The following ADRA1B variants were observed in gnomAD, a reference collection of about 807,000 sequenced individuals.
ADRA1B encodes the protein alpha-1B adrenergic receptor.
Under a neutral mutation model 17.9 loss-of-function variants are expected in ADRA1B, and 17 were observed. The ratio of observed to expected loss-of-function variants is 0.95; its 90% CI spans 0.65 to 1.42. The LOEUF (loss-of-function observed/expected upper bound fraction) is 1.42, where lower values mean the gene tolerates loss of function less well. ADRA1B is among the 40% of genes most tolerant of loss of function. The pLI is 0.00. For synonymous variants in ADRA1B, 366 were observed against 327.6 expected, an observed-to-expected ratio of 1.12 and a Z score of -1.27; for missense variants, 681 against 722.1, an observed-to-expected ratio of 0.94 and a Z score of 0.65.
At chr5:159,989,049 C>A in the ADRA1B span, among the ~76,000 whole-genome samples, 670 of 152,342 alleles carry the variant, frequency 4.4e-3, 5 homozygotes, top group African/African-American at 0.016. Flanking sequence ...TTTTGAGGAA[C>A]TCCAATACTG....
At chr5:159,966,759 A>T (rs534617122) in intron 1 of ADRA1B, among the ~76,000 whole-genome samples, 2 of 152,322 alleles carry the variant, frequency 1.3e-5, no homozygotes, top group South Asian at 4.1e-4. Flanking sequence ...TGACCCAGTG[A>T]TTCCTCATGT....
chr5:159,881,299 T>TCTCTCTG (rs1753859513), intron 1 of ADRA1B, among the ~76,000 whole-genome samples: 2 of 131,982 alleles, frequency 1.5e-5, no homozygotes, highest in African/African-American at 2.9e-5. Context: ...TATCAGAAAG[T>TCTCTCTG]TCTCTCTCTC....
rs1755902956 is a variant in ADRA1B at position 159,972,583 on chromosome 5, C to A, written c.*91C>A. The A allele has an allele frequency of 1.2e-6, 1 of 862,364 alleles. No individual in the cohort carries two copies. The highest frequency in any genetic ancestry group is 4.3e-5 in the East Asian group (1 of 23,212). The allele number at this position is 862,364 out of a possible 1,614,324, so 53.4% of individuals were successfully genotyped here. On this transcript the variant is annotated 3_prime_UTR_variant, in exon 2 of 2. Coordinates refer to ENST00000306675, the MANE Select transcript of ADRA1B (RefSeq NM_000679.4). ...CGGAGGGGGGAGGGGAGCGTCCACG[C>A]CGGGTAGACGCGCGCCCCAAGGGGA...
Position 159,950,631 on chromosome 5 carries a change from G to A in ADRA1B, c.950-21248G>A, listed in dbSNP as rs1483265328. 3 of 840,050 alleles carry A rather than the reference G, an allele frequency of 3.6e-6. No individual in the cohort carries two copies. The African/African-American group carries it at 5.0e-5, about 14-fold the overall frequency. 52.0% of individuals were successfully genotyped at this position (840,050 alleles called of 1,614,324 possible). Reference sequence around the variant, plus strand: ...CCCCAGCATCAAAGGTGGAGGAGTGGGTGTCTCTGTTGAAGTCAGAGGAGA... The same window carrying A: ...CCCCAGCATCAAAGGTGGAGGAGTGAGTGTCTCTGTTGAAGTCAGAGGAGA... On this transcript the variant is annotated intron_variant, in intron 1 of 1. Transcript: ENST00000306675.
intron 1 of ADRA1B, among the ~76,000 whole-genome samples, chr5:159,889,112 C>T (rs975521186): frequency 1.3e-5 from 2 of 152,170 alleles, no homozygotes; most frequent in African/African-American, 2.4e-5. Flanking sequence ...CTCTCAACTT[C>T]CAACCTCCTA....
chr5:159,890,080 T>C (rs1417017837), intron 1 of ADRA1B, among the ~76,000 whole-genome samples: 2 of 152,162 alleles, frequency 1.3e-5, no homozygotes, highest in African/African-American at 4.8e-5. Flanking sequence ...AGACATGACC[T>C]TGGGCAACGG....
chr5:159,872,775 TA>T (rs555398512), intron 1 of ADRA1B, among the ~76,000 whole-genome samples: 4 of 152,056 alleles, frequency 2.6e-5, no homozygotes, highest in South Asian at 2.1e-4. Context: ...TGGGCTTTTA[TA>T]AAAAAAATTC....
rs577361373 is a variant in ADRA1B at position 159,875,694 on chromosome 5, C to T, written c.-256+10488C>T. Among the ~76,000 whole-genome samples the T allele has an allele frequency of 3.9e-5, 6 of 152,304 alleles. No individual in the cohort carries two copies. The South Asian group carries it at 1.2e-3, about 32-fold the overall frequency. On this transcript the variant is annotated intron_variant, in intron 1 of 2. Transcript: ENST00000641205. ...CCCCTTCACAAGGGGCACACCCTCT[C>T]TAATTCGCCTTCCTTGTGCCACACA...
At chr5:159,893,726 G>C (rs1754011000) in intron 1 of ADRA1B, among the ~76,000 whole-genome samples, 1 of 152,188 alleles carries the variant, frequency 6.6e-6, no homozygotes, top group African/African-American at 2.4e-5. Context: ...TCTGTGGAAG[G>C]TGGGCAGACA....
intron 1 of ADRA1B, among the ~76,000 whole-genome samples, chr5:159,887,265 G>T (rs995511133): frequency 2.4e-4 from 36 of 152,284 alleles, no homozygotes; most frequent in African/African-American, 8.4e-4. Flanking sequence ...CTATGTTAAT[G>T]GCAAACATCC....
intron 1 of ADRA1B, among the ~76,000 whole-genome samples, chr5:159,964,822 C>T (rs948252572): frequency 2.0e-5 from 3 of 152,214 alleles, no homozygotes; most frequent in Admixed American, 2.0e-4. Flanking sequence ...AGCAGTGGTA[C>T]TGGTGGTAAC....
At chr5:159,885,352 A>C (rs77529089) in intron 1 of ADRA1B, among the ~76,000 whole-genome samples, 4,444 of 152,330 alleles carry the variant, frequency 0.029, 78 homozygotes, top group Middle Eastern at 0.071. Flanking sequence ...AACTGACTGC[A>C]GCCCCCAACT....
chr5:159,872,774 A>G (rs1034229161), intron 1 of ADRA1B, among the ~76,000 whole-genome samples: 6 of 152,086 alleles, frequency 3.9e-5, no homozygotes, highest in Admixed American at 2.6e-4. Context: ...CTGGGCTTTT[A>G]TAAAAAAAAT....
In ADRA1B at chr5:159,916,727, C is replaced by T. The variant is rs1353057031; in HGVS notation, c.-179C>T. On this transcript the variant is annotated 5_prime_UTR_variant, in exon 1 of 2. Transcript: ENST00000306675. ...CCCTCTGACAGGCGAGCGAGCGACT[C>T]GGTGCAGGCAGGAGACGTGCTGCCG... 1.3e-5 allele frequency: 8 copies of T among 597,482 alleles called. No homozygotes were observed. In the East Asian group the frequency reaches 1.7e-4, roughly 13 times the overall value. 37.0% of individuals were successfully genotyped at this position (597,482 alleles called of 1,614,324 possible). A position where few individuals can be genotyped will look rare whatever the true frequency, so the allele number is the denominator to read the frequency against.
chr5:159,916,976 A>C lies in ADRA1B; in HGVS notation c.71A>C (p.Asn24Thr), dbSNP rs376465505. 1.1e-4 allele frequency: 181 copies of C among 1,613,882 alleles called. No homozygotes were observed. Among genetic ancestry groups the C allele is most frequent in the Non-Finnish European group, 1.5e-4 (173 of 1,179,978 alleles). ...PAHWGELKNA[N>T]FTGPNQTSSN... Reference sequence around the variant, plus strand: ...CACTGGGGAGAGTTGAAAAATGCCAACTTCACTGGCCCCAACCAGACCTCG... The same window carrying C: ...CACTGGGGAGAGTTGAAAAATGCCACCTTCACTGGCCCCAACCAGACCTCG... The change falls in exon 1 of 2, where the codon AAC becomes ACC. Residue 24 changes from asparagine (N) to threonine (T), a missense_variant. This residue lies in a region of ADRA1B where 424 missense variants were observed against 480.2 expected (regional missense o/e 0.88). Coordinates refer to ENST00000306675, the MANE Select transcript of ADRA1B (RefSeq NM_000679.4).
upstream of ADRA1B, among the ~76,000 whole-genome samples, chr5:159,914,987 A>G (rs1462633395): frequency 6.6e-6 from 1 of 152,202 alleles, no homozygotes; most frequent in Admixed American, 6.5e-5. Context: ...TCATCTCTCA[A>G]TGAACAATGG....
At chr5:159,926,743 C>T (rs1367526045) in intron 1 of ADRA1B, among the ~76,000 whole-genome samples, 4 of 151,952 alleles carry the variant, frequency 2.6e-5, no homozygotes, top group Non-Finnish European at 4.4e-5. Context: ...AAAAATTAGC[C>T]GGGCGTGGTA....
chr5:159,865,862 A>G (rs987465039), intron 1 of ADRA1B, among the ~76,000 whole-genome samples: 4 of 152,196 alleles, frequency 2.6e-5, no homozygotes, highest in Non-Finnish European at 5.9e-5. Context: ...TAAAACATCA[A>G]CACCTTAATA....
chr5:159,943,314 T>A lies in ADRA1B; in HGVS notation c.949+25460T>A, dbSNP rs1255460823. ...TAATACAGAACAAGTTTCAATATTA[T>A]AAACTACCTAACTATAATGAGGTAC... On this transcript the variant is annotated intron_variant, in intron 1 of 1. Coordinates refer to ENST00000306675, the MANE Select transcript of ADRA1B (RefSeq NM_000679.4). 2.6e-5 allele frequency among the ~76,000 whole-genome samples: 4 copies of A among 152,350 alleles called. No homozygotes were observed. The East Asian group carries it at 5.8e-4, about 22-fold the overall frequency.
Sources: allele counts gnomAD v4.1 joint callset (sites outside exome capture counted in the v4.1 genomes callset), GRCh38; gene constraint gnomAD v4.1.1; regional missense constraint gnomAD v4.1.1; transcripts MANE v1.5; gene names NCBI Gene and HGNC (gene_info 2026-07-23, HGNC 2026-07-21).